The following PRKG1 variants were observed in gnomAD, a reference collection of about 807,000 sequenced individuals.
PRKG1 encodes the protein protein kinase cGMP-dependent 1, also known as cGMP-dependent protein kinase 1.
A neutral mutation model predicts 88.1 loss-of-function variants in PRKG1; 35 were observed. That is an observed-to-expected ratio of 0.40 (90% confidence interval 0.30 to 0.53). The LOEUF is 0.53. Among genes scored for constraint, PRKG1 ranks in the 20% least tolerant of loss-of-function variants. PRKG1 has a pLI of 0.59. For missense variants in PRKG1, 540 were observed against 839.8 expected (o/e 0.64, Z 4.41); for synonymous variants, 303 against 292.5 (o/e 1.04, Z -0.37).
At chr10:51,157,136 G>A (rs1846234722) in intron 2 of PRKG1, among the ~76,000 whole-genome samples, 1 of 151,920 alleles carries the variant, frequency 6.6e-6, no homozygotes, top group South Asian at 2.1e-4. Flanking sequence ...TTAACAAAGA[G>A]AATACTCATA....
intron 1 of PRKG1, among the ~76,000 whole-genome samples, chr10:51,103,974 G>A (rs1466498683): frequency 6.6e-6 from 1 of 152,204 alleles, no homozygotes; most frequent in East Asian, 1.9e-4. Flanking sequence ...GACATTTATA[G>A]AGTCATAACA....
intron 3 of PRKG1, among the ~76,000 whole-genome samples, chr10:51,511,347 G>C (rs549814678): frequency 2.4e-4 from 36 of 152,062 alleles, no homozygotes; most frequent in Non-Finnish European, 5.0e-4. Context: ...TGAAACATTA[G>C]ACTACATTAA....
chr10:51,395,043 A>G (rs897887186), intron 2 of PRKG1, among the ~76,000 whole-genome samples: 1 of 152,220 alleles, frequency 6.6e-6, no homozygotes, highest in African/African-American at 2.4e-5. Flanking sequence ...TAATGCTCCA[A>G]ATTCTGAGGA....
chr10:51,282,148 AAG>A (rs10600184), intron 2 of PRKG1, among the ~76,000 whole-genome samples: 6,009 of 152,246 alleles, frequency 0.039, 157 homozygotes, highest in South Asian at 0.078. Flanking sequence ...TTGGAGGACA[AAG>A]AGAGTAAAAC....
At chr10:51,551,731 TTGAG>T (rs1837140795) in intron 3 of PRKG1, among the ~76,000 whole-genome samples, 1 of 151,790 alleles carries the variant, frequency 6.6e-6, no homozygotes, top group Non-Finnish European at 1.5e-5. Flanking sequence ...AAACTAATAA[TTGAG>T]TGAGACTCTT....
intron 7 of PRKG1, among the ~76,000 whole-genome samples, chr10:52,102,634 A>G (rs1450300599): frequency 6.7e-6 from 1 of 149,266 alleles, no homozygotes; most frequent in Non-Finnish European, 1.5e-5. Context: ...GGGTTTCAAG[A>G]TAGGGATCTT....
chr10:51,551,256 T>C (rs1837124802), intron 3 of PRKG1, among the ~76,000 whole-genome samples: 2 of 151,978 alleles, frequency 1.3e-5, no homozygotes, highest in South Asian at 4.1e-4. Context: ...TTCTGATCGA[T>C]GCACAAGGAT....
At chr10:52,156,593 G>A (rs1224329656) in intron 8 of PRKG1, among the ~76,000 whole-genome samples, 1 of 151,492 alleles carries the variant, frequency 6.6e-6, no homozygotes, top group Admixed American at 6.6e-5. Flanking sequence ...TTTATTTGGG[G>A]GTAATTTTTT....
chr10:51,098,238 G>C (rs969124238), intron 1 of PRKG1, among the ~76,000 whole-genome samples: 1 of 152,152 alleles, frequency 6.6e-6, no homozygotes, highest in African/African-American at 2.4e-5. Context: ...GTAAGTTCCT[G>C]GACAAGGTAC....
chr10:51,178,799 A>G (rs1207666254), intron 2 of PRKG1, among the ~76,000 whole-genome samples: 1 of 152,204 alleles, frequency 6.6e-6, no homozygotes, highest in African/African-American at 2.4e-5. Flanking sequence ...GAAAAAAATG[A>G]CAAGATAACA....
chr10:51,781,397 G>A (rs542837770), intron 3 of PRKG1, among the ~76,000 whole-genome samples: 1 of 152,210 alleles, frequency 6.6e-6, no homozygotes, highest in East Asian at 1.9e-4. Flanking sequence ...CCAAAGGCAA[G>A]AGGGAAATTA....
At chr10:51,870,783 A>G (rs570394609) in intron 4 of PRKG1, among the ~76,000 whole-genome samples, 1 of 151,906 alleles carries the variant, frequency 6.6e-6, no homozygotes, top group East Asian at 1.9e-4. Flanking sequence ...GCAACCTTCA[A>G]TGTAGTGATT....
rs980664208 is a variant in PRKG1, at chr10:51,914,713, C to T, written c.762+7143C>T. 2.6e-5 allele frequency among the ~76,000 whole-genome samples: 4 copies of T among 152,270 alleles called. No individual in the cohort carries two copies. In the East Asian group the frequency reaches 5.8e-4, roughly 22 times the overall value. On this transcript the variant is annotated intron_variant, in intron 5 of 17. Coordinates refer to ENST00000373980, the MANE Select transcript of PRKG1 (RefSeq NM_006258.4). ...TTAAGAACTCTCTACCTTTGATTTG[C>T]AATTTTGCATGATTGGATCTTGGAA...
At chr10:52,228,701 CA>C (rs1006497712) in intron 9 of PRKG1, among the ~76,000 whole-genome samples, 3 of 152,188 alleles carry the variant, frequency 2.0e-5, no homozygotes, top group African/African-American at 7.2e-5. Context: ...ACAATAGTAT[CA>C]TACACACAGT....
intron 3 of PRKG1, among the ~76,000 whole-genome samples, chr10:51,748,576 A>G (rs1167965257): frequency 6.6e-6 from 1 of 152,202 alleles, no homozygotes; most frequent in Non-Finnish European, 1.5e-5. Flanking sequence ...CATTTCAATA[A>G]TTAAAAAAGA....
At chr10:51,353,542 T>C (rs1379302138) in intron 2 of PRKG1, among the ~76,000 whole-genome samples, 1 of 152,130 alleles carries the variant, frequency 6.6e-6, no homozygotes, top group Non-Finnish European at 1.5e-5. Context: ...AACAGGCATA[T>C]GAAAAAGTGA....
chr10:51,157,577 A>G (rs1391081929), intron 2 of PRKG1, among the ~76,000 whole-genome samples: 1 of 151,856 alleles, frequency 6.6e-6, no homozygotes, highest in Non-Finnish European at 1.5e-5. Context: ...ATAATTGGTG[A>G]TGCATTATTT....
At chr10:51,096,103 T>C (rs73340468) in intron 1 of PRKG1, among the ~76,000 whole-genome samples, 5,063 of 152,218 alleles carry the variant, frequency 0.033, 98 homozygotes, top group Middle Eastern at 0.058. Context: ...ATTTAATAAA[T>C]TTAGTAGTGT....
intron 4 of PRKG1, among the ~76,000 whole-genome samples, chr10:51,848,633 CTGTGTGTG>C (rs35222566): frequency 1.1e-3 from 153 of 145,192 alleles, no homozygotes; most frequent in African/African-American, 1.5e-3. Context: ...GTGTCTGTAT[CTGTGTGTG>C]TGTGTGTGTG....
Sources: allele counts gnomAD v4.1 joint callset (sites outside exome capture counted in the v4.1 genomes callset), GRCh38; gene constraint gnomAD v4.1.1; transcripts MANE v1.5; gene names NCBI Gene and HGNC (gene_info 2026-07-23, HGNC 2026-07-21).